STX2: variants seen among roughly 807,000 people sequenced by gnomAD.
The protein encoded by STX2 is syntaxin-2.
A neutral mutation model predicts 40.6 loss-of-function variants in STX2; 27 were observed. The observed-to-expected ratio is 0.66, with a 90% CI of 0.49 to 0.92. The LOEUF is 0.92. Among genes scored for constraint, STX2 ranks in the 40% least tolerant of loss-of-function variants. The pLI is 0.00. For synonymous variants in STX2, 123 were observed against 119.1 expected (o/e 1.03, Z -0.22); for missense variants, 328 against 366.1 (o/e 0.90, Z 0.85).
At chr12:130,811,984 G>T (rs1044991684) in intron 4 of STX2, 1 of 179,158 alleles carries the variant, frequency 5.6e-6, no homozygotes, top group Non-Finnish European at 1.2e-5. Context: ...TTCAGAGGAC[G>T]GCAGAGCCTA....
At chr12:130,808,759 A>C (rs1951536688) in intron 4 of STX2, 55 bp from the exon 5 acceptor site, 1 of 1,441,872 alleles carries the variant, frequency 6.9e-7, no homozygotes, top group East Asian at 2.3e-5. Flanking sequence ...AAATGTTCCA[A>C]GCCTGACTTC....
chr12:130,818,217 T>TATATATATATATAA (rs1951961041), intron 3 of STX2, among the ~76,000 whole-genome samples: 1 of 122,708 alleles, frequency 8.1e-6, no homozygotes, highest in Non-Finnish European at 1.6e-5. Context: ...TATATATATA[T>TATATATATATATAA]AAAATTATCT....
In STX2 at chr12:130,789,840, A is replaced by C. The variant is rs1950833437; in HGVS notation, c.*2183T>G. The C allele has an allele frequency of 6.6e-6, 1 of 152,558 alleles. No homozygotes were observed. Among genetic ancestry groups the C allele is most frequent in the Non-Finnish European group, 1.5e-5 (1 of 68,038 alleles). The allele number at this position is 152,558 out of a possible 1,614,324, so 9.5% of individuals were successfully genotyped here. A position where few individuals can be genotyped will look rare whatever the true frequency, so the allele number is the denominator to read the frequency against. On this transcript the variant is annotated 3_prime_UTR_variant, in exon 11 of 11. Coordinates refer to ENST00000392373, the MANE Select transcript of STX2 (RefSeq NM_194356.4). ...TACACATCATTGGACAAGTGACTTA[A>C]ATATCTAAATACAAATCAAATAGCA...
intron 1 of STX2, among the ~76,000 whole-genome samples, chr12:130,831,760 C>CT (rs1254636721): frequency 6.6e-6 from 1 of 151,320 alleles, no homozygotes; most frequent in Non-Finnish European, 1.5e-5. Flanking sequence ...AAATGTTATA[C>CT]TTTTTTATTT....
rs981181127 is a variant in STX2 at position 130,834,263 on chromosome 12, G to A, written c.30+4807C>T. On this transcript the variant is annotated intron_variant, in intron 1 of 10. Transcript: ENST00000392373. ...GCTGGGTGTCATGGGAGGCTGAGGCGGGAGAATTCCTTGAACCCTAGAGGC... is the reference window on the plus strand; with the variant it reads ...GCTGGGTGTCATGGGAGGCTGAGGCAGGAGAATTCCTTGAACCCTAGAGGC... Among the ~76,000 whole-genome samples the A allele has an allele frequency of 5.9e-5, 9 of 151,508 alleles. No individual in the cohort carries two copies. The East Asian group carries it at 9.7e-4, about 16-fold the overall frequency.
chr12:130,803,885 G>A (rs1047252952), intron 6 of STX2, among the ~76,000 whole-genome samples: 2 of 152,018 alleles, frequency 1.3e-5, no homozygotes, highest in African/African-American at 2.4e-5. Context: ...TTCAATGAGC[G>A]GCAAAATCTG....
At chr12:130,838,896 G>A (rs1223235429) in intron 1 of STX2, among the ~76,000 whole-genome samples, 174 bp downstream of exon 1, 2 of 145,278 alleles carry the variant, frequency 1.4e-5, no homozygotes, top group Non-Finnish European at 3.0e-5. Context: ...GACCCCACCA[G>A]CAGTCCCCGC....
chr12:130,796,975 CA>C (rs1415394445), intron 9 of STX2, among the ~76,000 whole-genome samples: 1 of 152,218 alleles, frequency 6.6e-6, no homozygotes, highest in African/African-American at 2.4e-5. Context: ...ACACCTGAGC[CA>C]GGGGCAGCAG....
chr12:130,793,512 C>T (rs1470014944), intron 10 of STX2, among the ~76,000 whole-genome samples: 1 of 152,166 alleles, frequency 6.6e-6, no homozygotes, highest in African/African-American at 2.4e-5. Flanking sequence ...TCTGGGTGCT[C>T]GATGTGTGTG....
At chr12:130,829,300 G>A (rs1593187297) in intron 1 of STX2, among the ~76,000 whole-genome samples, 2 of 152,212 alleles carry the variant, frequency 1.3e-5, no homozygotes, top group African/African-American at 4.8e-5. Flanking sequence ...CAGCTCACAA[G>A]AGTTGGCAAT....
rs1400356137 is a variant in STX2 at position 130,798,613 on chromosome 12, T to C, written c.698A>G (p.Glu233Gly). 1 of 1,597,220 alleles carries C rather than the reference T, an allele frequency of 6.3e-7. No homozygotes were observed. Among genetic ancestry groups the C allele is most frequent in the Admixed American group, 1.8e-5 (1 of 55,744 alleles). Residue 233 changes from glutamate to glycine, a missense_variant, in exon 9 of 11, where the codon GAA becomes GGA. Transcript: ENST00000392373. The stretch of plus-strand genomic sequence containing the variant: ...GTCTGTGGCATTCATAACATTTCTT[T>C]CTATGTTGTTGATCATTTCACCCTT... ...ETQGEMINNI[E>G]RNVMNATDYV...
intron 4 of STX2, chr12:130,812,321 C>T: frequency 2.2e-6 from 1 of 446,640 alleles, no homozygotes. Flanking sequence ...GATGAAATCT[C>T]AGATGCCTGG....
Position 130,821,750 on chromosome 12 carries a change from T to A in STX2, c.144A>T (p.Gln48His). 1 of 1,613,472 alleles carries A rather than the reference T, an allele frequency of 6.2e-7. No individual in the cohort carries two copies. Among genetic ancestry groups the A allele is most frequent in the Non-Finnish European group, 8.5e-7 (1 of 1,179,372 alleles). The change falls in exon 3 of 11, where the codon CAA becomes CAT. Residue 48 changes from glutamine (Q) to histidine (H), a missense_variant. Physicochemically the swap from Gln to His is conservative, Grantham distance 24. Transcript: ENST00000392373. ...GGTTTTTCTTTACTTCTTCAACATA[T>A]TGAGTTATTTTATCAATACTGTTTC... ...EIRNSIDKITQYVEEVKKNHS... is the reference protein window; with the variant it reads ...EIRNSIDKITHYVEEVKKNHS...
intron 4 of STX2, chr12:130,812,241 T>C (rs961805069): frequency 4.3e-5 from 16 of 373,448 alleles, no homozygotes; most frequent in African/African-American, 3.3e-4. Context: ...TAAGTAATTA[T>C]AATGAATTTG....
chr12:130,801,116 G>GAC, intron 8 of STX2, 37 bp downstream of exon 8: 1 of 1,577,172 alleles, frequency 6.3e-7, no homozygotes, highest in Non-Finnish European at 8.6e-7. Context: ...ACACATGACT[G>GAC]ATATCTCTCT....
chr12:130,822,897 G>A lies in STX2; in HGVS notation c.106-1109C>T, dbSNP rs184954357. Among the ~76,000 whole-genome samples, 22 of 152,316 alleles carry A rather than the reference G, an allele frequency of 1.4e-4. 1 individual carries two copies. In the East Asian group the frequency reaches 4.2e-3, roughly 29 times the overall value. On this transcript the variant is annotated intron_variant, in intron 2 of 10. Coordinates refer to ENST00000392373, the MANE Select transcript of STX2 (RefSeq NM_194356.4). ...CACTACGCATAAATGGGTTAAAGTC[G>A]CAAGTGTTCTTAGAAGACAGCAGTA...
At chr12:130,807,471 C>T (rs921200228) in intron 5 of STX2, among the ~76,000 whole-genome samples, 26 of 147,530 alleles carry the variant, frequency 1.8e-4, no homozygotes, top group African/African-American at 6.3e-4. Context: ...CCCCAGAGCC[C>T]GCGTGCTTCA....
intron 2 of STX2, among the ~76,000 whole-genome samples, chr12:130,825,355 T>C (rs1290782708): frequency 6.6e-6 from 1 of 152,222 alleles, no homozygotes; most frequent in African/African-American, 2.4e-5. Context: ...GTGACTTTTC[T>C]ATTAAATGCA....
chr12:130,814,258 C>G (rs1951770426), intron 3 of STX2, among the ~76,000 whole-genome samples: 1 of 152,036 alleles, frequency 6.6e-6, no homozygotes, highest in Non-Finnish European at 1.5e-5. Context: ...CCTAACAACT[C>G]GGTAAAAACA....
Sources: allele counts gnomAD v4.1 joint callset (sites outside exome capture counted in the v4.1 genomes callset), GRCh38; gene constraint gnomAD v4.1.1; transcripts MANE v1.5; gene names NCBI Gene and HGNC (gene_info 2026-07-23, HGNC 2026-07-21).